KCTD1: variants seen among roughly 807,000 people sequenced by gnomAD.
The protein encoded by KCTD1 is BTB/POZ domain-containing protein KCTD1.
KCTD1 carries 24 observed loss-of-function variants against 66.0 expected under a neutral mutation model. That is an observed-to-expected ratio of 0.36 (90% confidence interval 0.26 to 0.51). KCTD1 has a LOEUF of 0.51. Among genes scored for constraint, KCTD1 ranks in the 20% least tolerant of loss-of-function variants. KCTD1 has a pLI of 0.95. For missense variants in KCTD1, 943 were observed against 1,205.2 expected (o/e 0.78, Z 3.22); for synonymous variants, 511 against 517.2 (o/e 0.99, Z 0.16).
upstream of KCTD1, among the ~76,000 whole-genome samples, chr18:26,550,198 T>C (rs79494277): frequency 0.051 from 7,804 of 152,226 alleles, 326 homozygotes; most frequent in East Asian, 0.21. The surrounding 1 kb of genome is among the most constrained non-coding windows in gnomAD (Gnocchi z 5.4). Flanking sequence ...TCCTCGAATT[T>C]ACCTCCAAGT....
At chr18:26,594,056 A>G (rs1437161479) in intron 1 of KCTD1, among the ~76,000 whole-genome samples, 1 of 152,238 alleles carries the variant, frequency 6.6e-6, no homozygotes, top group African/African-American at 2.4e-5. Flanking sequence ...AGAAGAAATC[A>G]CATTAGCATA....
At chr18:26,484,446 A>G (rs144080418) in intron 2 of KCTD1, among the ~76,000 whole-genome samples, 2 of 152,236 alleles carry the variant, frequency 1.3e-5, no homozygotes, top group Non-Finnish European at 2.9e-5. Flanking sequence ...GAGTGCAATA[A>G]CAAGTCAGGA....
rs1019748759 is a variant in KCTD1 at position 26,455,543 on chromosome 18, A to AT, written c.*199dup. On this transcript the variant is annotated 3_prime_UTR_variant, in exon 5 of 5. Coordinates refer to ENST00000580059, the MANE Select transcript of KCTD1 (RefSeq NM_001142730.3). ...TTGACATATATATATATATTTATAT[A>AT]TTTTTTACACCTTGAGGATATCACT... The AT allele has an allele frequency of 8.2e-5, 29 of 354,346 alleles. No homozygotes were observed. The highest frequency in any genetic ancestry group is 6.1e-4 in the African/African-American group (27 of 44,030). 22.0% of individuals were successfully genotyped at this position (354,346 alleles called of 1,614,324 possible). A position where few individuals can be genotyped will look rare whatever the true frequency, so the allele number is the denominator to read the frequency against.
chr18:26,622,470 C>T (rs1431434556), intron 1 of KCTD1, among the ~76,000 whole-genome samples: 1 of 152,154 alleles, frequency 6.6e-6, no homozygotes, highest in Non-Finnish European at 1.5e-5. Flanking sequence ...GGGTAGCACA[C>T]TGAATGTCAC....
intron 1 of KCTD1, among the ~76,000 whole-genome samples, chr18:26,537,659 G>A (rs1984771605): frequency 1.3e-5 from 2 of 152,160 alleles, no homozygotes; most frequent in South Asian, 2.1e-4. Context: ...TTAGGGAAAC[G>A]TAAACATCAT....
In KCTD1 at chr18:26,460,020, A is replaced by G. The variant is rs1340149326; in HGVS notation, c.2134-95T>C. ...AGGTGATTTTTTTCCACTTCTTGTTATGTCACTAATCAAATCTGCATGTGC... is the reference window on the plus strand; with the variant it reads ...AGGTGATTTTTTTCCACTTCTTGTTGTGTCACTAATCAAATCTGCATGTGC... On this transcript the variant is annotated intron_variant, in intron 3 of 4. Transcript: ENST00000580059. 2.1e-5 allele frequency: 19 copies of G among 921,352 alleles called. No homozygotes were observed. In the East Asian group the frequency reaches 4.4e-4, roughly 21 times the overall value. 57.1% of individuals were successfully genotyped at this position (921,352 alleles called of 1,614,324 possible).
chr18:26,644,738 C>A (rs1348034297), upstream of KCTD1, among the ~76,000 whole-genome samples: 9 of 148,642 alleles, frequency 6.1e-5, no homozygotes, highest in African/African-American at 2.2e-4. Context: ...AGCCTGGCAA[C>A]AGAGTGAGAC....
Position 26,548,351 on chromosome 18 carries a change from CTCCTCCTCT to C in KCTD1, c.177_185del (p.Glu61_Glu63del). The C allele has an allele frequency of 1.3e-6, 2 of 1,490,176 alleles. No homozygotes were observed. Among genetic ancestry groups the C allele is most frequent in the Non-Finnish European group, 1.8e-6 (2 of 1,121,840 alleles). The allele number at this position is 1,490,176 out of a possible 1,614,324, so 92.3% of individuals were successfully genotyped here. ...TCTGCACCTCCTGGATCTCGTCCTCCTCCTCCTCTTCCTCCTCCTCCTCGCCCGCGCTGC... is the reference window on the plus strand; with the variant it reads ...TCTGCACCTCCTGGATCTCGTCCTCCTCCTCCTCCTCCTCGCCCGCGCTGC... On this transcript the variant is annotated inframe_deletion, in exon 1 of 5. Transcript: ENST00000580059.
chr18:26,575,111 T>C (rs1226933560), intron 1 of KCTD1, among the ~76,000 whole-genome samples: 1 of 152,150 alleles, frequency 6.6e-6, no homozygotes, highest in Non-Finnish European at 1.5e-5. Flanking sequence ...TTGTCTTAAA[T>C]GCTGAGACTC....
In KCTD1 at chr18:26,599,395, G is replaced by A; in HGVS notation, c.-16+29752C>T. 1.9e-6 allele frequency: 3 copies of A among 1,610,792 alleles called. No homozygotes were observed. In the East Asian group the frequency reaches 6.7e-5, roughly 36 times the overall value. ...AGCAGTTTTTAGGTCTGTCAGTACT[G>A]CACTGCAAGAATGGCAGATTTTGGG... is the stretch of plus-strand genomic sequence containing the variant. On this transcript the variant is annotated intron_variant, in intron 1 of 4. Coordinates refer to the KCTD1 transcript ENST00000317932.
intron 2 of KCTD1, among the ~76,000 whole-genome samples, chr18:26,496,218 C>T (rs1017451175): frequency 2.0e-5 from 3 of 152,160 alleles, no homozygotes; most frequent in South Asian, 2.1e-4. Flanking sequence ...GGCAAGAGTG[C>T]GAGTGGAGGG....
intron 1 of KCTD1, among the ~76,000 whole-genome samples, chr18:26,560,507 T>A (rs1243256687): frequency 1.3e-5 from 2 of 152,198 alleles, no homozygotes; most frequent in African/African-American, 4.8e-5. Context: ...TCGATAGGTC[T>A]GGGAAGTGGC....
At chr18:26,506,637 T>C (rs1983051973) in intron 1 of KCTD1, among the ~76,000 whole-genome samples, 1 of 152,230 alleles carries the variant, frequency 6.6e-6, no homozygotes, top group African/African-American at 2.4e-5. Context: ...AATTAAATGA[T>C]AATTTACAAT....
chr18:26,524,857 C>T (rs1984081116), intron 1 of KCTD1, among the ~76,000 whole-genome samples: 1 of 152,054 alleles, frequency 6.6e-6, no homozygotes, highest in Admixed American at 6.5e-5. Context: ...AAAAAAAAAT[C>T]TAAAGGCACA....
upstream of KCTD1, chr18:26,549,485 A>C (rs1985456168): frequency 2.0e-6 from 2 of 976,102 alleles, no homozygotes; most frequent in Admixed American, 1.2e-4. Context: ...GGCCGGTGGG[A>C]GGGGAGACGA....
Position 26,567,483 on chromosome 18 carries a change from T to G in KCTD1, c.-16+61664A>C, listed in dbSNP as rs546631350. 8.0e-3 allele frequency among the ~76,000 whole-genome samples: 1,006 copies of G among 126,476 alleles called. 10 individuals are homozygous for G. The highest frequency in any genetic ancestry group is 0.014 in the South Asian group (56 of 4,044). 83.0% of individuals were successfully genotyped at this position (126,476 alleles called of 152,430 possible). A position where few individuals can be genotyped will look rare whatever the true frequency, so the allele number is the denominator to read the frequency against. ...TTCTAGAAATGCTGTTGTTCTGTTGTTGTTGTTTTTTTTTTTTTTTTTGAG... is the reference window on the plus strand; with the variant it reads ...TTCTAGAAATGCTGTTGTTCTGTTGGTGTTGTTTTTTTTTTTTTTTTTGAG... On this transcript the variant is annotated intron_variant, in intron 1 of 4. Coordinates refer to the KCTD1 transcript ENST00000317932.
upstream of KCTD1, chr18:26,549,441 C>T (rs529357146): frequency 0.016 from 15,445 of 985,642 alleles, 134 homozygotes; most frequent in South Asian, 0.025. Context: ...TCCAGCCAGC[C>T]CCGGGAAGGA....
At chr18:26,487,151 C>G (rs139548513) in intron 2 of KCTD1, among the ~76,000 whole-genome samples, 214 of 152,264 alleles carry the variant, frequency 1.4e-3, no homozygotes, top group African/African-American at 4.8e-3. Flanking sequence ...CTTCAAATAT[C>G]TACAGTATTG....
chr18:26,555,697 C>T (rs1274855197), intron 1 of KCTD1, among the ~76,000 whole-genome samples: 2 of 152,084 alleles, frequency 1.3e-5, no homozygotes, highest in East Asian at 3.8e-4. Flanking sequence ...TCTTTGTTCA[C>T]AGAAGTTTAG....
Sources: gnomAD v4.1 joint callset for allele counts (sites outside exome capture counted in the v4.1 genomes callset) on GRCh38, gnomAD v4.1.1 for gene constraint, Gnocchi (gnomAD v3.1) non-coding constraint, MANE v1.5 for transcripts, NCBI Gene and HGNC (gene_info 2026-07-23, HGNC 2026-07-21) for gene names.